The following NT5C2 variants were observed in gnomAD, a reference collection of about 807,000 sequenced individuals.
The protein encoded by NT5C2 is 5'-nucleotidase, cytosolic II.
Under a neutral mutation model 76.1 loss-of-function variants are expected in NT5C2, and 58 were observed. The ratio of observed to expected loss-of-function variants is 0.76; its 90% CI spans 0.62 to 0.95. The LOEUF (loss-of-function observed/expected upper bound fraction) is 0.95. Ranked by LOEUF, NT5C2 falls within the 40% of genes least tolerant of loss-of-function variation. The pLI is 0.00. For synonymous variants in NT5C2, 229 were observed against 237.4 expected (o/e 0.96, Z 0.32); for missense variants, 478 against 690.3 (o/e 0.69, Z 3.45).
At chr10:103,118,059 T>C (rs950552811) in intron 4 of NT5C2, among the ~76,000 whole-genome samples, 1 of 152,216 alleles carries the variant, frequency 6.6e-6, no homozygotes. Flanking sequence ...ATAATATCTA[T>C]TTGGAAGCAT....
chr10:103,192,835 C>CTGAGGAAAGGGCTACCACCAGCG (rs1446264764), intron 1 of NT5C2, among the ~76,000 whole-genome samples: 1 of 152,148 alleles, frequency 6.6e-6, no homozygotes, highest in African/African-American at 2.4e-5. Flanking sequence ...GTCAGCAGGA[C>CTGAGGAAAGGGCTACCACCAGCG]TGAGGAAAGG....
In NT5C2 at chr10:103,167,615, A is replaced by T. The variant is rs565997584; in HGVS notation, c.101+7243T>A. 6.6e-5 allele frequency among the ~76,000 whole-genome samples: 10 copies of T among 152,238 alleles called. No homozygotes were observed. In the South Asian group the frequency reaches 2.1e-3, roughly 32 times the overall value. On this transcript the variant is annotated intron_variant, in intron 3 of 18. Transcript: ENST00000404739. ...TTTTTAGTATGAGGTTTAAAAAAAA[A>T]AATAAAGATTTCCCCTTTTTTTGTT... is the stretch of plus-strand genomic sequence containing the variant.
chr10:103,162,643 T>G (rs976818374), intron 3 of NT5C2, among the ~76,000 whole-genome samples: 1 of 152,188 alleles, frequency 6.6e-6, no homozygotes, highest in African/African-American at 2.4e-5. Context: ...TTTTGCGGTA[T>G]CTACAAAAAC....
intron 4 of NT5C2, among the ~76,000 whole-genome samples, chr10:103,134,738 C>G (rs1354492890): frequency 6.6e-6 from 1 of 152,194 alleles, no homozygotes; most frequent in East Asian, 1.9e-4. Flanking sequence ...CCTGGAAAAG[C>G]CACAGACACC....
rs148828123 is a variant in NT5C2 at position 103,094,505 on chromosome 10, G to A, written c.814-50C>T. 9,355 of 922,792 alleles carry A rather than the reference G, an allele frequency of 0.01. 76 individuals carry two copies. Among genetic ancestry groups the A allele is most frequent in the Non-Finnish European group, 0.011 (6,315 of 556,272 alleles). The allele number at this position is 922,792 out of a possible 1,614,324, so 57.2% of individuals were successfully genotyped here. On this transcript the variant is annotated intron_variant, in intron 12 of 18. Coordinates refer to ENST00000404739, the MANE Select transcript of NT5C2 (RefSeq NM_001351169.2). ...TTGAAACATCACTCCTTACCTTAAG[G>A]CATTACTATTTAATCTCACTCAGAT...
At chr10:103,149,298 T>C (rs1236791874) in intron 3 of NT5C2, among the ~76,000 whole-genome samples, 1 of 152,192 alleles carries the variant, frequency 6.6e-6, no homozygotes, top group East Asian at 1.9e-4. Flanking sequence ...GGAGTACTGA[T>C]GATAATGCAG....
intron 3 of NT5C2, among the ~76,000 whole-genome samples, chr10:103,161,021 G>GT (rs1300359002): frequency 1.3e-5 from 2 of 151,954 alleles, no homozygotes; most frequent in Non-Finnish European, 2.9e-5. Context: ...AAAAAAGGCA[G>GT]TAAGTGTGAT....
intron 4 of NT5C2, among the ~76,000 whole-genome samples, chr10:103,138,759 G>A (rs1290787592): frequency 6.6e-6 from 1 of 152,232 alleles, no homozygotes; most frequent in Non-Finnish European, 1.5e-5. Flanking sequence ...TGTAAACCCA[G>A]CACTTTGGAA....
At position 103,131,892 on chromosome 10, in the gene NT5C2, A is replaced by G. The variant is rs142678501; in HGVS notation, c.175+7514T>C. Among the ~76,000 whole-genome samples the G allele has an allele frequency of 6.4e-4, 98 of 152,284 alleles. 1 individual carries two copies. The highest frequency in any genetic ancestry group is 2.2e-3 in the African/African-American group (93 of 41,546). Reference sequence around the variant, plus strand: ...AACCATGATTGCACCACTGCACTCCAGCCTGGGCAACAGAGTGAGACACTG... The same window carrying G: ...AACCATGATTGCACCACTGCACTCCGGCCTGGGCAACAGAGTGAGACACTG... On this transcript the variant is annotated intron_variant, in intron 4 of 18. Transcript: ENST00000404739.
intron 4 of NT5C2, 57 bp downstream of exon 4, chr10:103,139,349 A>G: frequency 8.7e-7 from 1 of 1,156,044 alleles, no homozygotes. Flanking sequence ...CCTACTGTGA[A>G]CCCACTGTGT....
chr10:103,139,410 A>C lies in NT5C2; in HGVS notation c.171T>G (p.Leu57=). Residue 57 remains leucine, a synonymous_variant, in exon 4 of 19, where the codon CTT becomes CTG. Coordinates refer to ENST00000404739, the MANE Select transcript of NT5C2 (RefSeq NM_001351169.2). The part of the protein sequence containing the change: ...KCFGFDMDYT[L]AVYKSPEYES... The stretch of plus-strand genomic sequence containing the variant: ...CAATCAGAAATTGCTACTCACCAGC[A>C]AGGGTATAATCCATATCAAAACCAA... 6.4e-7 allele frequency: 1 copy of C among 1,574,748 alleles called. No homozygotes were observed.
At chr10:103,177,941 C>T (rs1297144650) in intron 2 of NT5C2, among the ~76,000 whole-genome samples, 12 of 152,304 alleles carry the variant, frequency 7.9e-5, no homozygotes, top group Non-Finnish European at 1.3e-4. Flanking sequence ...CCACTATGCC[C>T]TCTACCCAGC....
In NT5C2 at chr10:103,101,444, G is replaced by A. The variant is rs151170156; in HGVS notation, c.390-118C>T. The A allele has an allele frequency of 2.2e-3, 1,336 of 593,782 alleles. 18 individuals carry two copies. The highest frequency in any genetic ancestry group is 0.022 in the African/African-American group (1,199 of 54,052). The allele number at this position is 593,782 out of a possible 1,614,324, so 36.8% of individuals were successfully genotyped here. A position where few individuals can be genotyped will look rare whatever the true frequency, so the allele number is the denominator to read the frequency against. ...ATGGCTATGTGCAAGACAGAATTCC[G>A]AATATTACGCATGGATAGCTATGAA... On this transcript the variant is annotated intron_variant, in intron 6 of 18. Coordinates refer to ENST00000404739, the MANE Select transcript of NT5C2 (RefSeq NM_001351169.2).
intron 6 of NT5C2, among the ~76,000 whole-genome samples, chr10:103,104,629 G>GT (rs1184204160): frequency 6.6e-6 from 1 of 152,174 alleles, no homozygotes; most frequent in African/African-American, 2.4e-5. Flanking sequence ...CAAGATGGGT[G>GT]TTTACTTCAC....
At chr10:103,164,205 G>C (rs888052601) in intron 3 of NT5C2, among the ~76,000 whole-genome samples, 1 of 152,032 alleles carries the variant, frequency 6.6e-6, no homozygotes, top group Non-Finnish European at 1.5e-5. Flanking sequence ...CTATGATTGC[G>C]CCACTGCACT....
chr10:103,111,651 A>C (rs1318274174), intron 4 of NT5C2: 1 of 824,764 alleles, frequency 1.2e-6, no homozygotes, highest in Non-Finnish European at 1.6e-6. Flanking sequence ...ACCAAGACAC[A>C]CTATGTAGTA....
chr10:103,183,949 T>C (rs1202955490), intron 1 of NT5C2, among the ~76,000 whole-genome samples: 1 of 151,884 alleles, frequency 6.6e-6, no homozygotes, highest in Non-Finnish European at 1.5e-5. Flanking sequence ...GTTTTTGGTT[T>C]TTTTTTTTTT....
At chr10:103,172,930 C>G (rs886739444) in intron 3 of NT5C2, among the ~76,000 whole-genome samples, 1 of 152,184 alleles carries the variant, frequency 6.6e-6, no homozygotes. Context: ...ATTGCTTGAA[C>G]CCAGGAGGTG....
chr10:103,167,845 G>A (rs1243170799), intron 3 of NT5C2, among the ~76,000 whole-genome samples: 1 of 152,034 alleles, frequency 6.6e-6, no homozygotes, highest in Non-Finnish European at 1.5e-5. Flanking sequence ...TGCCCAGGCT[G>A]GTCTTGAACT....
Sources: gnomAD v4.1 joint callset for allele counts (sites outside exome capture counted in the v4.1 genomes callset) on GRCh38, gnomAD v4.1.1 for gene constraint, MANE v1.5 for transcripts, NCBI Gene and HGNC (gene_info 2026-07-23, HGNC 2026-07-21) for gene names.